Variants in OSBPL10 observed in about 807,000 individuals in gnomAD.
OSBPL10 encodes the protein oxysterol binding protein like 10.
A neutral mutation model predicts 81.7 loss-of-function variants in OSBPL10; 49 were observed. That is an observed-to-expected ratio of 0.60 (90% CI 0.48 to 0.76). The LOEUF is 0.76. Among genes scored for constraint, OSBPL10 ranks in the 30% least tolerant of loss-of-function variants. The pLI is 0.00. For missense variants in OSBPL10, 923 were observed against 987.8 expected, an observed-to-expected ratio of 0.93 and a Z score of 0.88; for synonymous variants, 419 against 383.6, an observed-to-expected ratio of 1.09 and a Z score of -1.08.
chr3:31,835,682 C>T (rs958982828), intron 3 of OSBPL10, among the ~76,000 whole-genome samples: 1 of 152,030 alleles, frequency 6.6e-6, no homozygotes, highest in Admixed American at 6.5e-5. Flanking sequence ...AAAAATCAAA[C>T]AAGTCTGGTA....
At chr3:31,828,540 T>C (rs988209742) in intron 4 of OSBPL10, among the ~76,000 whole-genome samples, 1 of 152,246 alleles carries the variant, frequency 6.6e-6, no homozygotes, top group African/African-American at 2.4e-5. Context: ...CTTTTTCTTT[T>C]TCTTTTTTCT....
chr3:31,677,808 G>A (rs1700519795), intron 8 of OSBPL10, among the ~76,000 whole-genome samples: 2 of 150,052 alleles, frequency 1.3e-5, no homozygotes, highest in Admixed American at 6.6e-5. Flanking sequence ...AAGGCCGGGC[G>A]CGGTGGCTCA....
At position 31,733,242 on chromosome 3, in the gene OSBPL10, G is replaced by A; in HGVS notation, c.1095+15C>T. The A allele has an allele frequency of 1.2e-6, 2 of 1,611,372 alleles. No homozygotes were observed. Among genetic ancestry groups the A allele is most frequent in the Non-Finnish European group, 1.7e-6 (2 of 1,179,388 alleles). On this transcript the variant is annotated intron_variant, in intron 6 of 11. Coordinates refer to ENST00000396556, the MANE Select transcript of OSBPL10 (RefSeq NM_017784.5). ...AACACAAGCCATGAATGCACTGAGAGGACTGCACGCTTACCTCTGGCTCTG... is the reference window on the plus strand; with the variant it reads ...AACACAAGCCATGAATGCACTGAGAAGACTGCACGCTTACCTCTGGCTCTG...
At chr3:31,896,728 G>A (rs1447519801) in intron 1 of OSBPL10, among the ~76,000 whole-genome samples, 2 of 152,212 alleles carry the variant, frequency 1.3e-5, no homozygotes, top group Non-Finnish European at 2.9e-5. Flanking sequence ...CCTTAGAGGG[G>A]GTCACCTCTG....
chr3:32,054,458 A>G (rs1699691188), intron 1 of OSBPL10, among the ~76,000 whole-genome samples: 1 of 150,876 alleles, frequency 6.6e-6, no homozygotes, highest in Admixed American at 6.6e-5. Flanking sequence ...TATGTTATTA[A>G]TAGTTATATT....
chr3:31,805,937 C>T (rs545572427), intron 4 of OSBPL10, among the ~76,000 whole-genome samples: 1 of 152,318 alleles, frequency 6.6e-6, no homozygotes, highest in South Asian at 2.1e-4. Flanking sequence ...CTACACTTGT[C>T]TTTCTCTACT....
chr3:31,768,037 T>TA (rs989094883), intron 4 of OSBPL10, among the ~76,000 whole-genome samples: 9 of 152,144 alleles, frequency 5.9e-5, no homozygotes, highest in Admixed American at 2.6e-4. Context: ...GATCGTGCGC[T>TA]AAAAAAGAGA....
At chr3:32,055,191 CTTTTTTTTTT>C (rs139735770) in intron 1 of OSBPL10, among the ~76,000 whole-genome samples, 2 of 58,298 alleles carry the variant, frequency 3.4e-5, no homozygotes, top group Non-Finnish European at 5.7e-5. Context: ...CTATTTATAG[CTTTTTTTTTT>C]TTTTTTTTTT....
intron 1 of OSBPL10, among the ~76,000 whole-genome samples, chr3:31,897,726 G>A (rs1575604636): frequency 1.3e-5 from 2 of 151,996 alleles, no homozygotes; most frequent in East Asian, 3.9e-4. Context: ...GAAGAGAAAC[G>A]AGGCCAGGCA....
At chr3:31,808,819 C>T (rs1699589489) in intron 4 of OSBPL10, among the ~76,000 whole-genome samples, 1 of 152,202 alleles carries the variant, frequency 6.6e-6, no homozygotes, top group South Asian at 2.1e-4. Flanking sequence ...TTAAACTTTT[C>T]AACAGCAAAG....
intron 1 of OSBPL10, among the ~76,000 whole-genome samples, chr3:31,881,197 T>C (rs1559503529): frequency 6.6e-6 from 1 of 152,184 alleles, no homozygotes; most frequent in East Asian, 1.9e-4. Flanking sequence ...TAGACTACAC[T>C]CTGCGGAAGT....
intron 1 of OSBPL10, among the ~76,000 whole-genome samples, chr3:31,966,574 G>C (rs1468055025): frequency 1.3e-5 from 2 of 151,760 alleles, no homozygotes; most frequent in African/African-American, 4.8e-5. Context: ...ACACGAACAA[G>C]TTACCAATAT....
intron 3 of OSBPL10, among the ~76,000 whole-genome samples, chr3:31,867,297 C>T (rs917463835): frequency 2.6e-5 from 4 of 152,170 alleles, no homozygotes; most frequent in African/African-American, 2.4e-5. Flanking sequence ...TCATAAACTA[C>T]TTCAAATACA....
At chr3:31,795,798 CAAGAAGT>C (rs1699196390) in intron 4 of OSBPL10, 1 of 242,670 alleles carries the variant, frequency 4.1e-6, no homozygotes, top group Non-Finnish European at 9.2e-6. Flanking sequence ...AATTATTTTA[CAAGAAGT>C]CTCACTTCCT....
At chr3:31,882,068 G>C (rs768626357) in intron 1 of OSBPL10, among the ~76,000 whole-genome samples, 1 of 152,168 alleles carries the variant, frequency 6.6e-6, no homozygotes, top group Non-Finnish European at 1.5e-5. Flanking sequence ...TGTTCCAACA[G>C]AGATAATGAA....
At chr3:31,670,165 A>G (rs1700287871) in intron 9 of OSBPL10, among the ~76,000 whole-genome samples, 1 of 152,192 alleles carries the variant, frequency 6.6e-6, no homozygotes, top group African/African-American at 2.4e-5. Context: ...ACACTCTGAT[A>G]CACTCACACT....
intron 3 of OSBPL10, among the ~76,000 whole-genome samples, chr3:31,844,676 G>A (rs1307428891): frequency 1.3e-5 from 2 of 152,230 alleles, no homozygotes; most frequent in Non-Finnish European, 2.9e-5. Flanking sequence ...AATGGGCACA[G>A]GGTTTTATTT....
chr3:31,991,554 T>G (rs1345122457), intron 2 of OSBPL10: 3 of 166,912 alleles, frequency 1.8e-5, no homozygotes, highest in African/African-American at 7.2e-5. Context: ...CATTGTTTAT[T>G]GTTAATGTAT....
At chr3:31,701,877 G>A (rs946321008) in intron 7 of OSBPL10, 1 of 154,756 alleles carries the variant, frequency 6.5e-6, no homozygotes, top group Non-Finnish European at 1.4e-5. Flanking sequence ...TACCCTTGGG[G>A]ACCAGCTGTT....
Sources: allele counts gnomAD v4.1 joint callset (sites outside exome capture counted in the v4.1 genomes callset), GRCh38; gene constraint gnomAD v4.1.1; transcripts MANE v1.5; gene names NCBI Gene and HGNC (gene_info 2026-07-23, HGNC 2026-07-21).